PARD3: variants seen among roughly 807,000 people sequenced by gnomAD.
PARD3 encodes par-3 family cell polarity regulator.
In PARD3, 75 loss-of-function variants were observed where a neutral mutation model predicts 155.4. The observed-to-expected ratio is 0.48, with a 90% CI of 0.40 to 0.58. The LOEUF (loss-of-function observed/expected upper bound fraction) is 0.58, where lower values mean the gene tolerates loss of function less well. PARD3 is among the 20% of genes least tolerant of loss of function. PARD3 has a pLI of 0.00. For missense variants in PARD3, 1,642 were observed against 1,721.7 expected (o/e 0.95, Z 0.82); for synonymous variants, 576 against 610.5 (o/e 0.94, Z 0.83).
intron 2 of PARD3, among the ~76,000 whole-genome samples, chr10:34,622,458 A>C (rs933123601): frequency 1.3e-5 from 2 of 152,200 alleles, no homozygotes; most frequent in African/African-American, 4.8e-5. Flanking sequence ...TCATCTAAAA[A>C]GCTGGCCATT....
intron 3 of PARD3, among the ~76,000 whole-genome samples, chr10:34,486,941 A>G (rs1295726707): frequency 6.6e-6 from 1 of 152,066 alleles, no homozygotes; most frequent in African/African-American, 2.4e-5. Context: ...ATCATTTCTC[A>G]GCTTGATTTA....
chr10:34,660,393 G>A (rs575249888), intron 2 of PARD3, among the ~76,000 whole-genome samples: 1 of 151,974 alleles, frequency 6.6e-6, no homozygotes, highest in African/African-American at 2.4e-5. Context: ...TCTAAAAAGG[G>A]GCAATTTAAA....
chr10:34,520,277 T>C (rs2082064545), intron 2 of PARD3, among the ~76,000 whole-genome samples: 1 of 152,158 alleles, frequency 6.6e-6, no homozygotes, highest in Non-Finnish European at 1.5e-5. Flanking sequence ...TGCTGACGTA[T>C]AGATAGAATC....
At chr10:34,673,124 T>A (rs1374395444) in intron 2 of PARD3, among the ~76,000 whole-genome samples, 1 of 151,950 alleles carries the variant, frequency 6.6e-6, no homozygotes, top group Non-Finnish European at 1.5e-5. Context: ...AAAAAAAAAA[T>A]CTTCATGGAG....
At chr10:34,140,113 C>T (rs1052008271) in intron 22 of PARD3, among the ~76,000 whole-genome samples, 10 of 151,968 alleles carry the variant, frequency 6.6e-5, no homozygotes, top group Middle Eastern at 3.4e-3. Context: ...TTTTGTTTTT[C>T]GTTGTTTTTT....
chr10:34,232,633 T>C (rs571858889), intron 22 of PARD3, among the ~76,000 whole-genome samples: 1 of 152,244 alleles, frequency 6.6e-6, no homozygotes, highest in South Asian at 2.1e-4. Context: ...GTCCCCAAAT[T>C]ACAATATAGA....
At chr10:34,814,842 C>T (rs1458895937) in intron 1 of PARD3, 34 bp downstream of exon 1, 7 of 1,208,890 alleles carry the variant, frequency 5.8e-6, no homozygotes, top group Non-Finnish European at 7.0e-6. Flanking sequence ...TCCCCGCCGC[C>T]GCCCCCTCCC....
intron 8 of PARD3, 147 bp downstream of exon 8, chr10:34,383,982 T>C: frequency 1.5e-6 from 1 of 650,808 alleles, no homozygotes; most frequent in Non-Finnish European, 2.5e-6. Flanking sequence ...TTACTGAGTA[T>C]GTTTAAATTT....
intron 22 of PARD3, among the ~76,000 whole-genome samples, chr10:34,261,781 AAAAGAAAG>A (rs1158080569): frequency 0.028 from 3,704 of 131,998 alleles, 138 homozygotes; most frequent in African/African-American, 0.075. Context: ...AGAAAGAAAG[AAAAGAAAG>A]AAAGAAAGAA....
chr10:34,438,422 A>C (rs1031512568), intron 5 of PARD3, among the ~76,000 whole-genome samples: 1 of 152,184 alleles, frequency 6.6e-6, no homozygotes, highest in South Asian at 2.1e-4. Context: ...TTACAAATGT[A>C]CATGTCTTCA....
chr10:34,516,932 C>G (rs1158458176), intron 3 of PARD3, 47 bp downstream of exon 3: 1 of 1,547,716 alleles, frequency 6.5e-7, no homozygotes, highest in Non-Finnish European at 8.9e-7. Context: ...AGTTGGTATT[C>G]CTGTAAATTA....
At chr10:34,586,832 C>T (rs2088105260) in intron 2 of PARD3, among the ~76,000 whole-genome samples, 2 of 151,974 alleles carry the variant, frequency 1.3e-5, no homozygotes, top group Non-Finnish European at 2.9e-5. Flanking sequence ...GCCTGTAATC[C>T]CAGCTACTCA....
intron 20 of PARD3, among the ~76,000 whole-genome samples, chr10:34,297,770 AG>A (rs765647567): frequency 1.3e-5 from 2 of 152,236 alleles, no homozygotes; most frequent in Non-Finnish European, 2.9e-5. Context: ...CTGGCTTCAG[AG>A]CAGTGAGCTA....
chr10:34,582,765 T>C (rs1275232530), intron 2 of PARD3, among the ~76,000 whole-genome samples: 1 of 151,918 alleles, frequency 6.6e-6, no homozygotes, highest in African/African-American at 2.4e-5. Context: ...TAGGCAGTCA[T>C]GTGCTCACCT....
chr10:34,239,715 A>C (rs1953457953), intron 22 of PARD3, among the ~76,000 whole-genome samples: 1 of 151,774 alleles, frequency 6.6e-6, no homozygotes, highest in African/African-American at 2.4e-5. Flanking sequence ...CGACAAGAGA[A>C]TCACTTGAAC....
intron 5 of PARD3, among the ~76,000 whole-genome samples, chr10:34,413,404 G>A (rs1378500282): frequency 6.6e-6 from 1 of 150,764 alleles, no homozygotes; most frequent in Non-Finnish European, 1.5e-5. Context: ...AAGTCAGCTC[G>A]GTCTTTTGTT....
At chr10:34,429,446 G>C (rs1367071698) in intron 5 of PARD3, among the ~76,000 whole-genome samples, 2 of 151,152 alleles carry the variant, frequency 1.3e-5, no homozygotes, top group African/African-American at 4.9e-5. Flanking sequence ...CCAGGCTGGA[G>C]TACAAGTGGC....
chr10:34,572,307 G>A (rs1225727619), intron 2 of PARD3, among the ~76,000 whole-genome samples: 1 of 151,972 alleles, frequency 6.6e-6, no homozygotes, highest in East Asian at 1.9e-4. Flanking sequence ...AGGAGTTTGA[G>A]ACCAGTATGG....
chr10:34,249,603 C>A (rs1158891803), intron 22 of PARD3, among the ~76,000 whole-genome samples: 1 of 152,156 alleles, frequency 6.6e-6, no homozygotes, highest in Non-Finnish European at 1.5e-5. Context: ...CCCCAAAAAA[C>A]TAAGATATAA....
Sources: allele counts gnomAD v4.1 joint callset (sites outside exome capture counted in the v4.1 genomes callset), GRCh38; gene constraint gnomAD v4.1.1; transcripts MANE v1.5; gene names NCBI Gene and HGNC (gene_info 2026-07-23, HGNC 2026-07-21).